The following ZNRF3 variants were observed in gnomAD, a reference collection of about 807,000 sequenced individuals.
ZNRF3 encodes zinc and ring finger 3, also known as E3 ubiquitin-protein ligase ZNRF3.
A neutral mutation model predicts 72.5 loss-of-function variants in ZNRF3; 23 were observed. The ratio of observed to expected loss-of-function variants is 0.32; its 90% CI spans 0.23 to 0.45. The LOEUF is 0.45. ZNRF3 is among the 20% of genes least tolerant of loss of function. The pLI is 1.00. For synonymous variants in ZNRF3, 610 were observed against 545.3 expected (o/e 1.12, Z -1.65); for missense variants, 1,169 against 1,272.1 (o/e 0.92, Z 1.23).
At chr22:28,926,848 G>A (rs950350643) in intron 1 of ZNRF3, among the ~76,000 whole-genome samples, 3 of 151,330 alleles carry the variant, frequency 2.0e-5, no homozygotes, top group Non-Finnish European at 4.4e-5. Context: ...GTGGCTGGGC[G>A]CGGTAGCTCA....
chr22:29,049,422 C>T lies in ZNRF3; in HGVS notation c.1241C>T (p.Ala414Val), dbSNP rs773308986. 1.2e-6 allele frequency: 2 copies of T among 1,607,624 alleles called. No homozygotes were observed. The highest frequency in any genetic ancestry group is 2.2e-5 in the East Asian group (1 of 44,866). The stretch of plus-strand genomic sequence containing the variant: ...AGCCTCTATTCCCCGCAGACCCCCG[C>T]CTACATCCGCAGCTACCCACCCCTC... ...EQSLYSPQTP[A>V]YIRSYPPLHL... Residue 414 changes from alanine to valine, a missense_variant, in exon 8 of 9, where the codon GCC becomes GTC. Physicochemically the swap from Ala to Val is moderately conservative, Grantham distance 64. Around this residue, in one of 2 missense-constraint regions of ZNRF3, gnomAD observed 783 missense variants for 731.4 expected, o/e 1.07. Coordinates refer to ENST00000544604, the MANE Select transcript of ZNRF3 (RefSeq NM_001206998.2). This position sits in a 1 kb window ranked among gnomAD's most constrained non-coding sequence, Gnocchi z 5.2.
intron 2 of ZNRF3, among the ~76,000 whole-genome samples, chr22:29,038,666 A>G (rs978907284): frequency 7.9e-5 from 12 of 152,202 alleles, no homozygotes; most frequent in African/African-American, 2.9e-4. Context: ...ACAGTATAAT[A>G]AAAGTGTCTT....
intron 2 of ZNRF3, among the ~76,000 whole-genome samples, chr22:28,994,172 C>CTTTTTTTTTTTTT (rs1569274128): frequency 1.3e-5 from 1 of 78,764 alleles, no homozygotes; most frequent in Non-Finnish European, 2.4e-5. Context: ...CCTTCAGTTC[C>CTTTTTTTTTTTTT]TTTCTTTTTT....
intron 1 of ZNRF3, among the ~76,000 whole-genome samples, chr22:28,904,704 G>A (rs1242225528): frequency 2.0e-5 from 3 of 151,952 alleles, no homozygotes; most frequent in African/African-American, 7.3e-5. Flanking sequence ...CAGCTTTGGC[G>A]AAGGCTGTCT....
intron 2 of ZNRF3, among the ~76,000 whole-genome samples, chr22:29,010,731 A>G (rs1336656879): frequency 1.3e-5 from 2 of 152,068 alleles, no homozygotes; most frequent in Non-Finnish European, 2.9e-5. Flanking sequence ...GTGCAATGCT[A>G]CCATCTCAAC....
intron 2 of ZNRF3, among the ~76,000 whole-genome samples, chr22:29,024,150 T>C (rs1040734765): frequency 2.0e-5 from 3 of 152,214 alleles, no homozygotes; most frequent in African/African-American, 7.2e-5. Flanking sequence ...GCTGTTCTTT[T>C]GCAAGAAGTC....
intron 1 of ZNRF3, among the ~76,000 whole-genome samples, chr22:28,918,696 G>C (rs1479068074): frequency 6.6e-6 from 1 of 152,170 alleles, no homozygotes; most frequent in Non-Finnish European, 1.5e-5. Flanking sequence ...GCGGGTCTGA[G>C]TCAGGGTGGT....
chr22:28,999,652 G>A (rs1453306399), intron 2 of ZNRF3, among the ~76,000 whole-genome samples: 1 of 152,180 alleles, frequency 6.6e-6, no homozygotes, highest in Non-Finnish European at 1.5e-5. Flanking sequence ...ATGCACATAC[G>A]TTATGCCAGC....
intron 2 of ZNRF3, among the ~76,000 whole-genome samples, chr22:28,992,090 C>T (rs1367656255): frequency 6.6e-6 from 1 of 152,088 alleles, no homozygotes; most frequent in Non-Finnish European, 1.5e-5. Context: ...GAGTTCGAGC[C>T]TACAGTGAGC....
intron 2 of ZNRF3, among the ~76,000 whole-genome samples, chr22:29,015,046 A>G (rs1489654637): frequency 6.6e-6 from 1 of 152,182 alleles, no homozygotes; most frequent in Non-Finnish European, 1.5e-5. Context: ...AACCCATCAA[A>G]CAGCACTTTG....
intron 2 of ZNRF3, among the ~76,000 whole-genome samples, chr22:29,003,609 G>A (rs1022875433): frequency 1.3e-5 from 2 of 152,068 alleles, no homozygotes; most frequent in African/African-American, 4.8e-5. Context: ...GGAAGTCAAG[G>A]CAGGAGGATT....
intron 2 of ZNRF3, among the ~76,000 whole-genome samples, chr22:28,990,994 A>G (rs2058579219): frequency 6.6e-6 from 1 of 151,940 alleles, no homozygotes; most frequent in Admixed American, 6.5e-5. Context: ...TTTGGAAAAC[A>G]GCATGGGCCA....
chr22:29,045,976 G>A (rs1014357333), intron 5 of ZNRF3, among the ~76,000 whole-genome samples: 3 of 152,146 alleles, frequency 2.0e-5, no homozygotes, highest in South Asian at 2.1e-4. Flanking sequence ...CAGCAGCAAC[G>A]GCAGCACCTG....
chr22:28,898,663 T>A lies in ZNRF3; in HGVS notation c.300+14597T>A, dbSNP rs187549305. Among the ~76,000 whole-genome samples, 36 of 152,370 alleles carry A rather than the reference T, an allele frequency of 2.4e-4. No individual in the cohort carries two copies. In the East Asian group the frequency reaches 5.0e-3, roughly 21 times the overall value. On this transcript the variant is annotated intron_variant, in intron 1 of 8. Transcript: ENST00000544604. The stretch of plus-strand genomic sequence containing the variant: ...AATGTATATGAGTCTTTACTTACAT[T>A]TGTGCCATATTGCTTCCCCCTATAT...
chr22:28,937,189 ATATATATATATATATATATATATATATT>A (rs1229285054), intron 1 of ZNRF3, among the ~76,000 whole-genome samples: 3 of 2,320 alleles, frequency 1.3e-3, no homozygotes, highest in African/African-American at 1.4e-3. Context: ...ATATATATAT[ATATATATATATATATATATATATATATT>A]TTTTTTTTTT....
intron 1 of ZNRF3, among the ~76,000 whole-genome samples, chr22:28,985,711 A>G (rs560921385): frequency 4.6e-5 from 7 of 152,322 alleles, no homozygotes; most frequent in South Asian, 4.1e-4. Flanking sequence ...TGGAAAAGCC[A>G]CTTATCTTGG....
intron 1 of ZNRF3, among the ~76,000 whole-genome samples, chr22:28,906,757 G>C (rs1010042618): frequency 6.6e-6 from 1 of 152,172 alleles, no homozygotes; most frequent in South Asian, 2.1e-4. Flanking sequence ...TGCTGAGTAG[G>C]AACCCAGGGC....
chr22:29,027,413 T>C (rs1340682970), intron 2 of ZNRF3, among the ~76,000 whole-genome samples: 2 of 152,112 alleles, frequency 1.3e-5, no homozygotes, highest in East Asian at 3.9e-4. Flanking sequence ...CATGCCCAGC[T>C]AATTTTTGTA....
At chr22:28,976,675 G>A (rs1294994013) in intron 1 of ZNRF3, among the ~76,000 whole-genome samples, 1 of 152,048 alleles carries the variant, frequency 6.6e-6, no homozygotes, top group Non-Finnish European at 1.5e-5. Flanking sequence ...TAATAAGAAC[G>A]ATCAAATGTC....
Sources: allele counts gnomAD v4.1 joint callset (sites outside exome capture counted in the v4.1 genomes callset), GRCh38; gene constraint gnomAD v4.1.1; regional missense constraint gnomAD v4.1.1; non-coding constraint Gnocchi (gnomAD v3.1); transcripts MANE v1.5; gene names NCBI Gene and HGNC (gene_info 2026-07-23, HGNC 2026-07-21).